Variants in SNTG1 observed in about 807,000 individuals in gnomAD.
The protein encoded by SNTG1 is syntrophin gamma 1.
SNTG1 carries 39 observed loss-of-function variants against 74.7 expected under a neutral mutation model. The ratio of observed to expected loss-of-function variants is 0.52; its 90% CI spans 0.40 to 0.68. The LOEUF (loss-of-function observed/expected upper bound fraction) is 0.68, where lower values mean the gene tolerates loss of function less well. SNTG1 is among the 30% of genes least tolerant of loss of function. The probability of loss-of-function intolerance (pLI) is 0.00; values close to 1 mark genes in which losing one functional copy is unlikely to be tolerated. For missense variants in SNTG1, 685 were observed against 609.5 expected, an observed-to-expected ratio of 1.12 and a Z score of -1.30; for synonymous variants, 254 against 217.1, an observed-to-expected ratio of 1.17 and a Z score of -1.49.
intron 2 of SNTG1, among the ~76,000 whole-genome samples, chr8:50,367,224 T>C (rs1425908474): frequency 6.6e-6 from 1 of 152,012 alleles, no homozygotes; most frequent in Non-Finnish European, 1.5e-5. Context: ...ATTTCTTACA[T>C]GTATTCTTTA....
At chr8:50,414,834 C>A (rs2092994641) in intron 4 of SNTG1, among the ~76,000 whole-genome samples, 1 of 151,902 alleles carries the variant, frequency 6.6e-6, no homozygotes, top group Non-Finnish European at 1.5e-5. Flanking sequence ...CCCCATTTGC[C>A]AACTTTGTGA....
At chr8:50,004,564 A>G (rs1366983000) in intron 1 of SNTG1, among the ~76,000 whole-genome samples, 4 of 152,166 alleles carry the variant, frequency 2.6e-5, no homozygotes, top group Non-Finnish European at 4.4e-5. Context: ...TACTTTTGGT[A>G]AGGCTGACTC....
chr8:50,671,020 T>C (rs1284014641), intron 15 of SNTG1, among the ~76,000 whole-genome samples: 1 of 150,676 alleles, frequency 6.6e-6, no homozygotes, highest in African/African-American at 2.5e-5. Context: ...ATCCCTTCCT[T>C]ACACCTTATA....
At chr8:50,565,845 A>G (rs1353047535) in intron 12 of SNTG1, among the ~76,000 whole-genome samples, 1 of 152,026 alleles carries the variant, frequency 6.6e-6, no homozygotes, top group Non-Finnish European at 1.5e-5. Context: ...TAAAGTTTAT[A>G]TATAAACAAT....
Position 50,736,245 on chromosome 8 carries a change from T to G in SNTG1, c.1285-15756T>G, listed in dbSNP as rs543170935. 2.6e-5 allele frequency among the ~76,000 whole-genome samples: 4 copies of G among 151,952 alleles called. No individual in the cohort carries two copies. The South Asian group carries it at 8.3e-4, about 32-fold the overall frequency. On this transcript the variant is annotated intron_variant, in intron 17 of 18. Transcript: ENST00000642720. ...GCAAAATAACCAGCTAGCATCATAATGACAGGCTCAAATTCACACCTAACA... is the reference window on the plus strand; with the variant it reads ...GCAAAATAACCAGCTAGCATCATAAGGACAGGCTCAAATTCACACCTAACA...
At chr8:50,146,950 T>C (rs2131507274) in intron 1 of SNTG1, among the ~76,000 whole-genome samples, 1 of 152,320 alleles carries the variant, frequency 6.6e-6, no homozygotes, top group Admixed American at 6.5e-5. Flanking sequence ...AAATATTTTC[T>C]CTCACTATAT....
rs1239113767 is a variant in SNTG1, at chr8:50,081,315, T to G, written c.-102-91246T>G. ...AAGCAATAATCATGTTGTATATGAT[T>G]GGTCATTTATCTCTAGCCTTTACCA... On this transcript the variant is annotated intron_variant, in intron 1 of 18. Coordinates refer to ENST00000642720, the MANE Select transcript of SNTG1 (RefSeq NM_018967.5). Among the ~76,000 whole-genome samples, 76 of 152,164 alleles carry G rather than the reference T, an allele frequency of 5.0e-4. 1 individual carries two copies. The highest frequency in any genetic ancestry group is 1.5e-5 in the Non-Finnish European group (1 of 68,032).
At chr8:50,408,645 G>A (rs1411173010) in intron 4 of SNTG1, among the ~76,000 whole-genome samples, 4 of 152,090 alleles carry the variant, frequency 2.6e-5, no homozygotes, top group African/African-American at 7.2e-5. Flanking sequence ...TGAGGGAGAG[G>A]GCACAGAACT....
chr8:50,700,591 C>T (rs1464922906), intron 15 of SNTG1, among the ~76,000 whole-genome samples: 1 of 152,128 alleles, frequency 6.6e-6, no homozygotes, highest in Non-Finnish European at 1.5e-5. Flanking sequence ...AGCAGGATCA[C>T]CTGGTCTTTT....
At chr8:50,210,149 GA>G (rs2084446603) in intron 2 of SNTG1, among the ~76,000 whole-genome samples, 1 of 152,124 alleles carries the variant, frequency 6.6e-6, no homozygotes, top group Non-Finnish European at 1.5e-5. Flanking sequence ...TCAAATGAAT[GA>G]AATGAAGTGA....
chr8:50,223,702 A>G (rs530707519), intron 2 of SNTG1, among the ~76,000 whole-genome samples: 8 of 152,294 alleles, frequency 5.3e-5, no homozygotes, highest in South Asian at 4.1e-4. Flanking sequence ...CTCTACATCA[A>G]TGGGAACTCT....
intron 2 of SNTG1, among the ~76,000 whole-genome samples, chr8:50,352,560 T>G (rs942161691): frequency 6.6e-6 from 1 of 152,076 alleles, no homozygotes; most frequent in Admixed American, 6.5e-5. Flanking sequence ...CTGGCTAATT[T>G]TTTTATATTT....
At position 50,190,023 on chromosome 8, in the gene SNTG1, T is replaced by C. The variant is rs549023036; in HGVS notation, c.-28+17388T>C. On this transcript the variant is annotated intron_variant, in intron 2 of 18. Coordinates refer to ENST00000642720, the MANE Select transcript of SNTG1 (RefSeq NM_018967.5). The stretch of plus-strand genomic sequence containing the variant: ...AGATATTCCCTATTTTCTGTTTGAA[T>C]GTTGATTACTCATAAGTCATTTGGT... 5.9e-5 allele frequency among the ~76,000 whole-genome samples: 9 copies of C among 152,306 alleles called. No individual in the cohort carries two copies. In the East Asian group the frequency reaches 1.7e-3, roughly 29 times the overall value.
At chr8:50,139,433 C>A (rs1160067523) in intron 1 of SNTG1, among the ~76,000 whole-genome samples, 1 of 152,164 alleles carries the variant, frequency 6.6e-6, no homozygotes, top group African/African-American at 2.4e-5. Flanking sequence ...AGGCTTTAAC[C>A]CATGTTGACT....
intron 1 of SNTG1, among the ~76,000 whole-genome samples, chr8:50,170,598 C>A (rs2082771573): frequency 6.6e-6 from 1 of 152,116 alleles, no homozygotes; most frequent in South Asian, 2.1e-4. Context: ...CAAACTTAGT[C>A]ATTTAAAATA....
intron 15 of SNTG1, among the ~76,000 whole-genome samples, chr8:50,693,229 C>A (rs955080224): frequency 6.6e-6 from 1 of 152,138 alleles, no homozygotes; most frequent in Admixed American, 6.5e-5. Flanking sequence ...CGCCCTGCTT[C>A]GGCTTGTGCA....
At chr8:50,676,688 AT>A (rs1554607997) in intron 15 of SNTG1, among the ~76,000 whole-genome samples, 2 of 151,186 alleles carry the variant, frequency 1.3e-5, no homozygotes, top group Non-Finnish European at 1.5e-5. Flanking sequence ...TTTGCACTCC[AT>A]TTTTTTTGAC....
intron 13 of SNTG1, among the ~76,000 whole-genome samples, chr8:50,651,427 T>A (rs1365887690): frequency 6.6e-6 from 1 of 152,154 alleles, no homozygotes; most frequent in Non-Finnish European, 1.5e-5. Context: ...TTTCATTGTA[T>A]TTTAGTTCAA....
intron 1 of SNTG1, among the ~76,000 whole-genome samples, chr8:50,022,032 C>T (rs34763177): frequency 6.6e-6 from 1 of 151,602 alleles, no homozygotes; most frequent in Non-Finnish European, 1.5e-5. Flanking sequence ...ACATTTCATT[C>T]TAAATAGCAA....
Sources: allele counts gnomAD v4.1 joint callset (sites outside exome capture counted in the v4.1 genomes callset), GRCh38; gene constraint gnomAD v4.1.1; transcripts MANE v1.5; gene names NCBI Gene and HGNC (gene_info 2026-07-23, HGNC 2026-07-21).